TPBG: variants seen among roughly 807,000 people sequenced by gnomAD.
TPBG encodes trophoblast glycoprotein, also known as 5T4 oncofetal antigen.
A neutral mutation model predicts 19.3 loss-of-function variants in TPBG; 13 were observed. That is an observed-to-expected ratio of 0.67 (90% CI 0.44 to 1.07). TPBG has a LOEUF of 1.07. Ranked by LOEUF, TPBG falls within the 50% of genes least tolerant of loss-of-function variation. TPBG has a pLI of 0.00. For missense variants in TPBG, 642 were observed against 559.6 expected (o/e 1.15, Z -1.49); for synonymous variants, 338 against 259.8 (o/e 1.30, Z -2.89).
Position 82,365,482 on chromosome 6 carries a change from C to G in TPBG, c.521C>G (p.Pro174Arg). The G allele has an allele frequency of 2.5e-6, 4 of 1,606,760 alleles. No homozygotes were observed. The highest frequency in any genetic ancestry group is 1.3e-5 in the African/African-American group (1 of 74,896). Residue 174 changes from proline to arginine, a missense_variant, in exon 2 of 2, where the codon CCC becomes CGC. Physicochemically the swap from Pro to Arg is moderately radical, Grantham distance 103. Transcript: ENST00000369750. ...AATGCCAGCGTCTCGGCCCCCAGTC[C>G]CCTTGTGGAACTGATCCTGAACCAC... ...GSNASVSAPS[P>R]LVELILNHIV...
rs1350403025 is a variant in TPBG at position 82,366,537 on chromosome 6, A to G, written c.*313A>G. 2 of 245,166 alleles carry G rather than the reference A, an allele frequency of 8.2e-6. No homozygotes were observed. Among genetic ancestry groups the G allele is most frequent in the African/African-American group, 2.3e-5 (1 of 44,354 alleles). The allele number at this position is 245,166 out of a possible 1,614,324, so 15.2% of individuals were successfully genotyped here. On this transcript the variant is annotated 3_prime_UTR_variant, in exon 2 of 2. Coordinates refer to ENST00000369750, the MANE Select transcript of TPBG (RefSeq NM_001376922.1). ...TCTGTCTCTCTCTCAGTACAGTTCA[A>G]GGTGTAGCAAGTGTACCCACACAGA...
Position 82,364,986 on chromosome 6 carries a change from C to T in TPBG, c.25C>T (p.Pro9Ser), listed in dbSNP as rs768917795. The T allele has an allele frequency of 7.9e-6, 12 of 1,521,858 alleles. No individual in the cohort carries two copies. The highest frequency in any genetic ancestry group is 1.3e-5 in the South Asian group (1 of 79,926). 94.3% of individuals were successfully genotyped at this position (1,521,858 alleles called of 1,614,324 possible). ...GATGCCTGGGGGGTGCTCCCGGGGCCCCGCCGCCGGGGACGGGCGTCTGCG... is the reference window on the plus strand; with the variant it reads ...GATGCCTGGGGGGTGCTCCCGGGGCTCCGCCGCCGGGGACGGGCGTCTGCG... MPGGCSRG[P>S]AAGDGRLRLA... is the part of the protein sequence containing the mutation. Residue 9 changes from proline to serine, a missense_variant, in exon 2 of 2, where the codon CCC (proline) becomes TCC (serine). Coordinates refer to ENST00000369750, the MANE Select transcript of TPBG (RefSeq NM_001376922.1).
In TPBG at chr6:82,364,828, C is replaced by A. The variant is rs1472343760; in HGVS notation, c.-134C>A. 1.3e-6 allele frequency: 1 copy of A among 756,490 alleles called. No homozygotes were observed. The highest frequency in any genetic ancestry group is 1.9e-6 in the Non-Finnish European group (1 of 521,952). 46.9% of individuals were successfully genotyped at this position (756,490 alleles called of 1,614,324 possible). A position where few individuals can be genotyped will look rare whatever the true frequency, so the allele number is the denominator to read the frequency against. On this transcript the variant is annotated 5_prime_UTR_variant, in exon 2 of 2. Transcript: ENST00000369750. ...GTTAGCCAAGTTCCGGCTGCGGCGC[C>A]ACTCCCTCGGTTCCACGAGAGGAAA...
chr6:82,363,015 T>A (rs1249191468), upstream of TPBG, among the ~76,000 whole-genome samples: 3 of 139,690 alleles, frequency 2.1e-5, no homozygotes, highest in Non-Finnish European at 4.7e-5. Context: ...TCCACAGAAG[T>A]GACTTGACAC....
In TPBG at chr6:82,365,416, A is replaced by G; in HGVS notation, c.455A>G (p.Asn152Ser). 6.2e-7 allele frequency: 1 copy of G among 1,608,036 alleles called. No individual in the cohort carries two copies. Among genetic ancestry groups the G allele is most frequent in the Non-Finnish European group, 8.5e-7 (1 of 1,178,016 alleles). ...PSLRQLDLSH[N>S]PLADLSPFAF... ...CTGCGCCAGCTCGACCTCAGCCACA[A>G]CCCACTGGCCGACCTCAGTCCCTTC... The change falls in exon 2 of 2, where the codon AAC (asparagine) becomes AGC (serine). Residue 152 changes from asparagine (N) to serine (S), a missense_variant. Physicochemically the swap from Asn to Ser is conservative, Grantham distance 46. Transcript: ENST00000369750.
rs760475820 is a variant in TPBG, at chr6:82,365,205, C to G, written c.244C>G (p.Leu82Val). The G allele has an allele frequency of 6.3e-7, 1 of 1,596,252 alleles. No homozygotes were observed. The highest frequency in any genetic ancestry group is 1.1e-5 in the South Asian group (1 of 89,168). ...CACAGTCAAGTGCGTTAACCGCAAT[C>G]TGACCGAGGTGCCCACGGACCTGCC... Reference protein sequence around the residue: ...ARTVKCVNRNLTEVPTDLPAY... With the variant: ...ARTVKCVNRNVTEVPTDLPAY... Residue 82 changes from leucine (L) to valine (V), a missense_variant, in exon 2 of 2, where the codon CTG (leucine) becomes GTG (valine). Leu to Val is a conservative substitution (Grantham distance 32). Coordinates refer to ENST00000369750, the MANE Select transcript of TPBG (RefSeq NM_001376922.1).
rs749406200 is a variant in TPBG, at chr6:82,365,259, G to C, written c.298G>C (p.Gly100Arg). 2 of 1,581,702 alleles carry C rather than the reference G, an allele frequency of 1.3e-6. No individual in the cohort carries two copies. Among genetic ancestry groups the C allele is most frequent in the Non-Finnish European group, 1.7e-6 (2 of 1,171,786 alleles). The change falls in exon 2 of 2, where the codon GGC becomes CGC. Residue 100 changes from glycine (G) to arginine (R), a missense_variant. Coordinates refer to ENST00000369750, the MANE Select transcript of TPBG (RefSeq NM_001376922.1). ...CTACGTGCGCAACCTCTTCCTTACC[G>C]GCAACCAGCTGGCCGTGCTCCCTGC... is the stretch of plus-strand genomic sequence containing the variant. ...PAYVRNLFLT[G>R]NQLAVLPAGA... is the part of the protein sequence containing the mutation.
rs1562155613 is a variant in TPBG, at chr6:82,366,908, A to AT, written c.*684_*685insT. On this transcript the variant is annotated 3_prime_UTR_variant, in exon 2 of 2. Coordinates refer to ENST00000369750, the MANE Select transcript of TPBG (RefSeq NM_001376922.1). Reference sequence around the variant, plus strand: ...ACCGACTGAATTGTTAAAAAAAAAAAAAATAAAGATTCTTAAAAGAATTAC... The same window carrying AT: ...ACCGACTGAATTGTTAAAAAAAAAAATAAATAAAGATTCTTAAAAGAATTAC... 3 of 166,890 alleles carry AT rather than the reference A, an allele frequency of 1.8e-5. No homozygotes were observed. Among genetic ancestry groups the AT allele is most frequent in the African/African-American group, 7.2e-5 (3 of 41,408 alleles). 10.3% of individuals were successfully genotyped at this position (166,890 alleles called of 1,614,324 possible).
At position 82,365,067 on chromosome 6, in the gene TPBG, T is replaced by A. The variant is rs1369072903; in HGVS notation, c.106T>A (p.Ser36Thr). 4 of 1,555,198 alleles carry A rather than the reference T, an allele frequency of 2.6e-6. No homozygotes were observed. In the African/African-American group the frequency reaches 4.1e-5, roughly 16 times the overall value. The change falls in exon 2 of 2, where the codon TCC (serine) becomes ACC (threonine). Residue 36 changes from serine to threonine, a missense_variant. By Grantham distance (58) the Ser-to-Thr change is moderately conservative. Transcript: ENST00000369750. ...LGWVSSSSPT[S>T]SASSFSSSAP... ...CTGGGTCTCCTCGTCTTCTCCCACC[T>A]CCTCGGCATCCTCCTTCTCCTCCTC...
At position 82,365,919 on chromosome 6, in the gene TPBG, C is replaced by A; in HGVS notation, c.958C>A (p.Arg320=). ...AACAGAGGTAGTGCAGGGCAAAGACCGGCTCACCTGTGCATATCCGGAAAA... is the reference window on the plus strand; with the variant it reads ...AACAGAGGTAGTGCAGGGCAAAGACAGGCTCACCTGTGCATATCCGGAAAA... ...KETEVVQGKD[R]LTCAYPEKMR... is the part of the protein sequence containing the mutation. The change falls in exon 2 of 2, where the codon CGG becomes AGG. Residue 320 remains arginine, a synonymous_variant. Transcript: ENST00000369750. 2 of 1,614,148 alleles carry A rather than the reference C, an allele frequency of 1.2e-6. No individual in the cohort carries two copies. Among genetic ancestry groups the A allele is most frequent in the Non-Finnish European group, 1.7e-6 (2 of 1,180,032 alleles).
chr6:82,363,018 C>T (rs979678820), upstream of TPBG, among the ~76,000 whole-genome samples: 2 of 150,226 alleles, frequency 1.3e-5, no homozygotes, highest in Non-Finnish European at 3.0e-5. Flanking sequence ...ACAGAAGTGA[C>T]TTGACACACC....
At position 82,365,080 on chromosome 6, in the gene TPBG, C is replaced by G. The variant is rs758758325; in HGVS notation, c.119C>G (p.Ser40Cys). 3.8e-6 allele frequency: 6 copies of G among 1,563,120 alleles called. No homozygotes were observed. The highest frequency in any genetic ancestry group is 5.2e-6 in the Non-Finnish European group (6 of 1,153,966). ...TCTTCTCCCACCTCCTCGGCATCCT[C>G]CTTCTCCTCCTCGGCGCCGTTCCTG... ...SSSSPTSSAS[S>C]FSSSAPFLAS... The change falls in exon 2 of 2, where the codon TCC (serine) becomes TGC (cysteine). Residue 40 changes from serine (S) to cysteine (C), a missense_variant. Transcript: ENST00000369750.
chr6:82,366,025 CTT>C lies in TPBG; in HGVS notation c.1065_1066del (p.Tyr356CysfsTer31). 9 of 1,614,016 alleles carry C rather than the reference CTT, an allele frequency of 5.6e-6. No individual in the cohort carries two copies. The highest frequency in any genetic ancestry group is 7.6e-6 in the Non-Finnish European group (9 of 1,179,916). ...ATTCTTCCCCCATCCCTGCAAACCT[CTT>C]ATGTCTTCCTGGGTATTGTTTTAGC... On this transcript the variant is annotated frameshift_variant, in exon 2 of 2. Transcript: ENST00000369750. LOFTEE classifies it high-confidence loss of function.
chr6:82,365,853 T>G lies in TPBG; in HGVS notation c.892T>G (p.Cys298Gly). The change falls in exon 2 of 2, where the codon TGC (cysteine) becomes GGC (glycine). Residue 298 changes from cysteine to glycine, a missense_variant. By Grantham distance (159) the Cys-to-Gly change is radical (BLOSUM62 -3). Transcript: ENST00000369750. ...RVFLDNNPWV[C>G]DCHMADMVTW... is the part of the protein sequence containing the mutation. ...TTTCCTGGACAACAATCCCTGGGTCTGCGACTGCCACATGGCAGACATGGT... is the reference window on the plus strand; with the variant it reads ...TTTCCTGGACAACAATCCCTGGGTCGGCGACTGCCACATGGCAGACATGGT... 1 of 1,614,168 alleles carries G rather than the reference T, an allele frequency of 6.2e-7. No homozygotes were observed. The highest frequency in any genetic ancestry group is 8.5e-7 in the Non-Finnish European group (1 of 1,180,032).
At position 82,365,900 on chromosome 6, in the gene TPBG, G is replaced by GGT; in HGVS notation, c.940_941dup (p.Val315Ter). The GGT allele has an allele frequency of 6.2e-7, 1 of 1,614,208 alleles. No homozygotes were observed. The highest frequency in any genetic ancestry group is 8.5e-7 in the Non-Finnish European group (1 of 1,180,030). On this transcript the variant is annotated frameshift_variant, in exon 2 of 2. Coordinates refer to ENST00000369750, the MANE Select transcript of TPBG (RefSeq NM_001376922.1). LOFTEE classifies it high-confidence loss of function. ...TGGTGACCTGGCTCAAGGAAACAGA[G>GGT]GTAGTGCAGGGCAAAGACCGGCTCA...
At position 82,365,568 on chromosome 6, in the gene TPBG, C is replaced by T. The variant is rs774322481; in HGVS notation, c.607C>T (p.Leu203=). ...CTTCGAGGGCATGGTGGTGGCGGCC[C>T]TGCTGGCGGGCCGTGCACTGCAGGG... ...RSFEGMVVAA[L]LAGRALQGLR... The change falls in exon 2 of 2, where the codon CTG becomes TTG. Residue 203 remains leucine, a synonymous_variant. Coordinates refer to ENST00000369750, the MANE Select transcript of TPBG (RefSeq NM_001376922.1). 3.2e-6 allele frequency: 5 copies of T among 1,579,868 alleles called. No individual in the cohort carries two copies. The South Asian group carries it at 3.5e-5, about 11-fold the overall frequency.
In TPBG at chr6:82,365,050, C is replaced by G. The variant is rs1194435383; in HGVS notation, c.89C>G (p.Ser30Cys). The G allele has an allele frequency of 2.6e-6, 4 of 1,550,308 alleles. No homozygotes were observed. In the South Asian group the frequency reaches 4.8e-5, roughly 18 times the overall value. ...GCGCTGGTACTCCTGGGCTGGGTCT[C>G]CTCGTCTTCTCCCACCTCCTCGGCA... Reference protein sequence around the residue: ...RLALVLLGWVSSSSPTSSASS... With the variant: ...RLALVLLGWVCSSSPTSSASS... Residue 30 changes from serine (S) to cysteine (C), a missense_variant, in exon 2 of 2, where the codon TCC becomes TGC. By Grantham distance (112) the Ser-to-Cys change is moderately radical. Transcript: ENST00000369750.
At position 82,364,944 on chromosome 6, in the gene TPBG, GGGGAAAC is replaced by G. The variant is rs1767436479; in HGVS notation, c.-16_-10del. The G allele has an allele frequency of 4.8e-6, 7 of 1,461,714 alleles. No homozygotes were observed. Among genetic ancestry groups the G allele is most frequent in the Non-Finnish European group, 6.3e-6 (7 of 1,112,070 alleles). 90.5% of individuals were successfully genotyped at this position (1,461,714 alleles called of 1,614,324 possible). On this transcript the variant is annotated 5_prime_UTR_variant, in exon 2 of 2. Transcript: ENST00000369750. Reference sequence around the variant, plus strand: ...GCGGGCGCCGTCCCAGCCCAGCTCCGGGGAAACGCGAGCCGCGATGCCTGGGGGGTGC... The same window carrying G: ...GCGGGCGCCGTCCCAGCCCAGCTCCGGCGAGCCGCGATGCCTGGGGGGTGC...
Position 82,364,901 on chromosome 6 carries a change from G to T in TPBG, c.-61G>T. 9.1e-6 allele frequency: 12 copies of T among 1,320,528 alleles called. No individual in the cohort carries two copies. The highest frequency in any genetic ancestry group is 1.2e-5 in the Non-Finnish European group (12 of 1,020,244). 81.8% of individuals were successfully genotyped at this position (1,320,528 alleles called of 1,614,324 possible). ...CGCCGGCTCGCGCCCTCCGGGCCCA[G>T]CCTCCCGAGCCTTCGGAGCGGGCGC... On this transcript the variant is annotated 5_prime_UTR_variant, in exon 2 of 2. Transcript: ENST00000369750.
Sources: gnomAD v4.1 joint callset for allele counts (sites outside exome capture counted in the v4.1 genomes callset) on GRCh38, gnomAD v4.1.1 for gene constraint, MANE v1.5 for transcripts, NCBI Gene and HGNC (gene_info 2026-07-23, HGNC 2026-07-21) for gene names.